Variants in MMRN1 observed in about 807,000 individuals in gnomAD.
The protein encoded by MMRN1 is multimerin-1.
Under a neutral mutation model 100.7 loss-of-function variants are expected in MMRN1, and 94 were observed. That is an observed-to-expected ratio of 0.93 (90% CI 0.79 to 1.11). MMRN1 has a LOEUF of 1.11. MMRN1 is among the 50% of genes least tolerant of loss of function. The pLI is 0.00. For missense variants in MMRN1, 1,606 were observed against 1,439.1 expected, an observed-to-expected ratio of 1.12 and a Z score of -1.88; for synonymous variants, 575 against 505.0, an observed-to-expected ratio of 1.14 and a Z score of -1.86.
chr4:89,911,943 G>C lies in MMRN1; in HGVS notation c.744-1G>C. ...TTCCCTCCAATTGCTCAACTCTCTA[G>C]ATCTCAGAAGATATCCAATCCTGTC... On this transcript the variant is annotated splice_acceptor_variant, in intron 2 of 7. Coordinates refer to ENST00000264790, the MANE Select transcript of MMRN1 (RefSeq NM_007351.3). LOFTEE classifies it high-confidence loss of function. 6.4e-7 allele frequency: 1 copy of C among 1,565,920 alleles called. No individual in the cohort carries two copies. The highest frequency in any genetic ancestry group is 8.8e-7 in the Non-Finnish European group (1 of 1,142,638).
At chr4:89,883,164 C>T (rs1032468131) in intron 1 of MMRN1, among the ~76,000 whole-genome samples, 89 of 152,088 alleles carry the variant, frequency 5.9e-4, no homozygotes, top group Middle Eastern at 3.4e-3. Context: ...TTTATATCTT[C>T]TTCTCTTGAT....
chr4:89,891,671 A>G (rs1380457634), upstream of MMRN1, among the ~76,000 whole-genome samples: 1 of 151,960 alleles, frequency 6.6e-6, no homozygotes, highest in East Asian at 1.9e-4. Flanking sequence ...TGTAAATTTG[A>G]CAGGTTTTCA....
chr4:89,926,332 G>C (rs1035123272), intron 4 of MMRN1, among the ~76,000 whole-genome samples: 35 of 152,140 alleles, frequency 2.3e-4, no homozygotes, highest in Admixed American at 2.3e-3. Context: ...TAACTGAGGT[G>C]AGATGATATC....
chr4:89,938,721 G>T (rs558596626), intron 6 of MMRN1, among the ~76,000 whole-genome samples: 10 of 151,600 alleles, frequency 6.6e-5, no homozygotes, highest in Non-Finnish European at 1.5e-4. Flanking sequence ...AAATAACTCA[G>T]TTTTGATTCT....
At position 89,936,539 on chromosome 4, in the gene MMRN1, G is replaced by T; in HGVS notation, c.2859G>T (p.Leu953=). The change falls in exon 6 of 8, where the codon CTG becomes CTT. Residue 953 remains leucine, a synonymous_variant. Transcript: ENST00000264790. ...ATIPKWIKHS[L]PDIQLLQKGL... ...TCCCTAAGTGGATAAAACATTCCCT[G>T]CCAGATATTCAACTTCTTCAGAAAG... The T allele has an allele frequency of 1.2e-6, 2 of 1,612,922 alleles. 1 individual carries two copies. Among genetic ancestry groups the T allele is most frequent in the Non-Finnish European group, 1.7e-6 (2 of 1,179,556 alleles).
Position 89,927,793 on chromosome 4 carries a change from A to C in MMRN1, c.956-2A>C. 6.2e-7 allele frequency: 1 copy of C among 1,609,992 alleles called. No individual in the cohort carries two copies. The highest frequency in any genetic ancestry group is 1.1e-5 in the South Asian group (1 of 90,092). On this transcript the variant is annotated splice_acceptor_variant, in intron 4 of 7. Coordinates refer to ENST00000264790, the MANE Select transcript of MMRN1 (RefSeq NM_007351.3). LOFTEE classifies it high-confidence loss of function. The stretch of plus-strand genomic sequence containing the variant: ...GGTCTCAATTTTCTCTTCTATATGC[A>C]GAAGTGATGCAAAAAATGACTGATC...
intron 3 of MMRN1, among the ~76,000 whole-genome samples, chr4:89,920,112 A>G (rs1464957627): frequency 1.3e-5 from 2 of 152,160 alleles, no homozygotes; most frequent in Non-Finnish European, 2.9e-5. Context: ...TCCATGATTA[A>G]CTTGTAATTA....
chr4:89,951,695 C>T lies in MMRN1; in HGVS notation c.3209C>T (p.Pro1070Leu). ...AGCTTTACCTGTGCCTGCAGACATC[C>T]TTTTACTGGTGACAACTGCACTATC... ...RTSFTCACRH[P>L]FTGDNCTIKL... The change falls in exon 7 of 8, where the codon CCT becomes CTT. Residue 1070 changes from proline to leucine, a missense_variant. By Grantham distance (98) the Pro-to-Leu change is moderately conservative. Coordinates refer to ENST00000264790, the MANE Select transcript of MMRN1 (RefSeq NM_007351.3). 3 of 1,605,750 alleles carry T rather than the reference C, an allele frequency of 1.9e-6. No individual in the cohort carries two copies. Among genetic ancestry groups the T allele is most frequent in the Non-Finnish European group, 2.5e-6 (3 of 1,177,380 alleles).
At chr4:89,896,567 T>C (rs1721212591) in intron 1 of MMRN1, among the ~76,000 whole-genome samples, 1 of 152,122 alleles carries the variant, frequency 6.6e-6, no homozygotes, top group Non-Finnish European at 1.5e-5. Context: ...TTACAAATAG[T>C]TTTTACATGT....
intron 1 of MMRN1, among the ~76,000 whole-genome samples, chr4:89,889,814 G>GA (rs1364095528): frequency 1.3e-5 from 2 of 151,968 alleles, no homozygotes; most frequent in African/African-American, 4.8e-5. Context: ...ACTTTACAAT[G>GA]AAAAATCTTC....
At chr4:89,886,455 T>C (rs1328599197) in intron 1 of MMRN1, among the ~76,000 whole-genome samples, 1 of 152,164 alleles carries the variant, frequency 6.6e-6, no homozygotes, top group Admixed American at 6.6e-5. Flanking sequence ...AAATAGTTCA[T>C]GACCCAAAAC....
chr4:89,941,524 C>T (rs6532205), intron 6 of MMRN1, among the ~76,000 whole-genome samples: 81,862 of 151,926 alleles, frequency 0.54, 22,771 homozygotes, highest in African/African-American at 0.68. Flanking sequence ...CTTAGTTTTA[C>T]TGGGGGCTGG....
intron 6 of MMRN1, among the ~76,000 whole-genome samples, chr4:89,944,470 A>G (rs1180764093): frequency 1.3e-5 from 2 of 152,224 alleles, no homozygotes; most frequent in Non-Finnish European, 2.9e-5. Context: ...AAATTAAAAA[A>G]TATTTAAATA....
chr4:89,941,057 C>T (rs1396169188), intron 6 of MMRN1, among the ~76,000 whole-genome samples: 1 of 152,070 alleles, frequency 6.6e-6, no homozygotes, highest in Non-Finnish European at 1.5e-5. Flanking sequence ...ATGGTTTTCT[C>T]CAAGCGATTT....
At chr4:89,887,439 A>T (rs1031288113) in intron 1 of MMRN1, among the ~76,000 whole-genome samples, 8 of 152,120 alleles carry the variant, frequency 5.3e-5, no homozygotes, top group African/African-American at 1.9e-4. Context: ...TGGTGCTGGC[A>T]TGAAAGCAGA....
chr4:89,935,395 G>A lies in MMRN1; in HGVS notation c.1715G>A (p.Ser572Asn), dbSNP rs1370234692. Residue 572 changes from serine (S) to asparagine (N), a missense_variant, in exon 6 of 8, where the codon AGC (serine) becomes AAC (asparagine). Ser to Asn is a conservative substitution (Grantham distance 46, BLOSUM62 1). Coordinates refer to ENST00000264790, the MANE Select transcript of MMRN1 (RefSeq NM_007351.3). ...QMFEDLHIQE[S>N]KINNLTVSLE... ...TTTGAAGATTTGCACATTCAAGAAA[G>A]CAAGATTAACAATCTCACCGTCTCT... 2 of 1,613,406 alleles carry A rather than the reference G, an allele frequency of 1.2e-6. No individual in the cohort carries two copies. The highest frequency in any genetic ancestry group is 2.2e-5 in the South Asian group (2 of 91,016).
chr4:89,896,040 G>T (rs758908973), intron 1 of MMRN1, among the ~76,000 whole-genome samples: 1 of 152,142 alleles, frequency 6.6e-6, no homozygotes, highest in Non-Finnish European at 1.5e-5. Context: ...GTCAAAGATC[G>T]AAACAAGCAC....
chr4:89,884,264 T>A (rs1265298116), intron 1 of MMRN1, among the ~76,000 whole-genome samples: 1 of 152,160 alleles, frequency 6.6e-6, no homozygotes, highest in Non-Finnish European at 1.5e-5. Context: ...ATTAATATTG[T>A]ATTGAAGGTA....
intron 1 of MMRN1, among the ~76,000 whole-genome samples, chr4:89,882,893 T>A (rs1232616025): frequency 6.6e-6 from 1 of 151,946 alleles, no homozygotes; most frequent in Non-Finnish European, 1.5e-5. Context: ...AGAAATACTT[T>A]CCATGTCCCT....
Sources: allele counts gnomAD v4.1 joint callset (sites outside exome capture counted in the v4.1 genomes callset), GRCh38; gene constraint gnomAD v4.1.1; transcripts MANE v1.5; gene names NCBI Gene and HGNC (gene_info 2026-07-23, HGNC 2026-07-21).